Variants in FA2H observed in about 807,000 individuals in gnomAD.
FA2H encodes the protein fatty acid alpha-hydroxylase.
A neutral mutation model predicts 44.9 loss-of-function variants in FA2H; 22 were observed. The observed-to-expected ratio is 0.49, with a 90% CI of 0.35 to 0.70. The LOEUF (loss-of-function observed/expected upper bound fraction) is 0.70. Ranked by LOEUF, FA2H falls within the 30% of genes least tolerant of loss-of-function variation. The probability of loss-of-function intolerance (pLI) is 0.01; values close to 1 mark genes in which losing one functional copy is unlikely to be tolerated. For synonymous variants in FA2H, 243 were observed against 213.2 expected (o/e 1.14, Z -1.22); for missense variants, 501 against 504.9 (o/e 0.99, Z 0.07).
chr16:74,740,063 G>C lies in FA2H; in HGVS notation c.323C>G (p.Pro108Arg). The C allele has an allele frequency of 6.2e-7, 1 of 1,614,046 alleles. No individual in the cohort carries two copies. Among genetic ancestry groups the C allele is most frequent in the South Asian group, 1.1e-5 (1 of 91,076 alleles). Reference sequence around the variant, plus strand: ...CACTTTGAACCGTGGTTCCATAGCAGGATCTGTCTTCTGAGTTTCCTCAAG... The same window carrying C: ...CACTTTGAACCGTGGTTCCATAGCACGATCTGTCTTCTGAGTTTCCTCAAG... ...VALEETQKTD[P>R]AMEPRFKVVD... Residue 108 changes from proline (P) to arginine (R), a missense_variant, in exon 2 of 7, where the codon CCT becomes CGT. By Grantham distance (103) the Pro-to-Arg change is moderately radical. Coordinates refer to ENST00000219368, the MANE Select transcript of FA2H (RefSeq NM_024306.5).
intron 1 of FA2H, among the ~76,000 whole-genome samples, chr16:74,746,061 C>A (rs1962417166): frequency 6.6e-6 from 1 of 152,064 alleles, no homozygotes; most frequent in Non-Finnish European, 1.5e-5. Flanking sequence ...CCCGCCTCGG[C>A]CTCCTTGGGA....
intron 2 of FA2H, among the ~76,000 whole-genome samples, chr16:74,737,449 C>T (rs1392886192): frequency 1.3e-5 from 2 of 152,168 alleles, no homozygotes; most frequent in Non-Finnish European, 2.9e-5. Flanking sequence ...GTAAGACCAT[C>T]CCTCACCTCT....
chr16:74,719,106 G>T lies in FA2H; in HGVS notation c.668C>A (p.Thr223Lys). The T allele has an allele frequency of 6.2e-7, 1 of 1,614,000 alleles. No homozygotes were observed. Among genetic ancestry groups the T allele is most frequent in the Non-Finnish European group, 8.5e-7 (1 of 1,180,022 alleles). The part of the protein sequence containing the change: ...SMFPGLFMLG[T>K]FLWSLIEYLI... ...GTACTCGATGAGGCTCCAGAGGAAT[G>T]TCCCCAGCATGAAGAGCCCGGGGAA... The change falls in exon 5 of 7, where the codon ACA becomes AAA. Residue 223 changes from threonine (T) to lysine (K), a missense_variant. By Grantham distance (78) the Thr-to-Lys change is moderately conservative. Coordinates refer to ENST00000219368, the MANE Select transcript of FA2H (RefSeq NM_024306.5).
intron 2 of FA2H, among the ~76,000 whole-genome samples, chr16:74,730,429 C>T (rs1446181319): frequency 6.6e-6 from 1 of 152,336 alleles, no homozygotes; most frequent in East Asian, 1.9e-4. Flanking sequence ...CACCTAGTCG[C>T]TGCTCCCTTC....
intron 1 of FA2H, among the ~76,000 whole-genome samples, chr16:74,771,583 G>A (rs996701904): frequency 6.6e-6 from 1 of 151,762 alleles, no homozygotes; most frequent in Admixed American, 6.6e-5. Context: ...TGATCCACCC[G>A]CCTTACCCTC....
At chr16:74,752,588 A>G (rs969240191) in intron 1 of FA2H, among the ~76,000 whole-genome samples, 1 of 152,142 alleles carries the variant, frequency 6.6e-6, no homozygotes, top group African/African-American at 2.4e-5. Flanking sequence ...ACCTGTAATT[A>G]TCATGTCTGT....
At chr16:74,744,632 T>C (rs1962381279) in intron 1 of FA2H, among the ~76,000 whole-genome samples, 1 of 151,908 alleles carries the variant, frequency 6.6e-6, no homozygotes, top group African/African-American at 2.4e-5. Flanking sequence ...TTAATTTTTT[T>C]GTAGAGATGG....
intron 1 of FA2H, among the ~76,000 whole-genome samples, chr16:74,761,410 G>A (rs1475759527): frequency 6.6e-6 from 1 of 151,006 alleles, no homozygotes; most frequent in African/African-American, 2.4e-5. Flanking sequence ...CTGAGATCAC[G>A]CCACTGCACT....
chr16:74,748,641 C>A (rs1228038737), intron 1 of FA2H, among the ~76,000 whole-genome samples: 1 of 152,144 alleles, frequency 6.6e-6, no homozygotes, highest in African/African-American at 2.4e-5. Flanking sequence ...CCTGTCCTCC[C>A]TAGAGAGGGT....
Position 74,720,180 on chromosome 16 carries a change from C to CTTTTTTTTTTTTTTTTTTT in FA2H, c.614-1039_614-1021dup, listed in dbSNP as rs56341013. On this transcript the variant is annotated intron_variant, in intron 4 of 6. Transcript: ENST00000219368. ...TTTGCTCCATATATTCATCCTCATC[C>CTTTTTTTTTTTTTTTTTTT]TTTTTTTTTTTTTTTTTTTTTTTTT... Among the ~76,000 whole-genome samples, 10 of 47,242 alleles carry CTTTTTTTTTTTTTTTTTTT rather than the reference C, an allele frequency of 2.1e-4. 2 individuals are homozygous for CTTTTTTTTTTTTTTTTTTT. Among genetic ancestry groups the CTTTTTTTTTTTTTTTTTTT allele is most frequent in the Non-Finnish European group, 3.3e-4 (9 of 27,316 alleles). The allele number at this position is 47,242 out of a possible 152,430, so 31.0% of individuals were successfully genotyped here.
intron 4 of FA2H, among the ~76,000 whole-genome samples, chr16:74,720,818 G>A (rs139039538): frequency 1.6e-4 from 25 of 152,228 alleles, no homozygotes; most frequent in African/African-American, 5.8e-4. Context: ...GACATTTCAC[G>A]TCAATTGAAT....
At position 74,729,074 on chromosome 16, in the gene FA2H, G is replaced by C. The variant is rs187619759; in HGVS notation, c.364-1688C>G. Among the ~76,000 whole-genome samples, 42 of 137,034 alleles carry C rather than the reference G, an allele frequency of 3.1e-4. 1 individual carries two copies. Among genetic ancestry groups the C allele is most frequent in the Middle Eastern group, 3.8e-3 (1 of 262 alleles). 89.9% of individuals were successfully genotyped at this position (137,034 alleles called of 152,430 possible). A position where few individuals can be genotyped will look rare whatever the true frequency, so the allele number is the denominator to read the frequency against. Reference sequence around the variant, plus strand: ...TCACCAGGCTGGAGTGCAGTGGCACGATCTCAGCTCACTGCAACCTCCGCC... The same window carrying C: ...TCACCAGGCTGGAGTGCAGTGGCACCATCTCAGCTCACTGCAACCTCCGCC... On this transcript the variant is annotated intron_variant, in intron 2 of 6. Coordinates refer to ENST00000219368, the MANE Select transcript of FA2H (RefSeq NM_024306.5).
intron 1 of FA2H, among the ~76,000 whole-genome samples, chr16:74,742,374 G>A (rs1327117697): frequency 6.6e-6 from 1 of 152,158 alleles, no homozygotes; most frequent in Non-Finnish European, 1.5e-5. Flanking sequence ...CATGCATCTT[G>A]CACTCTGGGC....
At position 74,718,594 on chromosome 16, in the gene FA2H, T is replaced by G. The variant is rs114202643; in HGVS notation, c.786+394A>C. 3.4e-3 allele frequency among the ~76,000 whole-genome samples: 524 copies of G among 152,258 alleles called. 2 individuals carry two copies. Among genetic ancestry groups the G allele is most frequent in the African/African-American group, 0.012 (498 of 41,562 alleles). ...CTGCTCTGTGGAACGGGGAGAACCATGGGGCTGTTTTCAGCACAAGCTCCA... is the reference window on the plus strand; with the variant it reads ...CTGCTCTGTGGAACGGGGAGAACCAGGGGGCTGTTTTCAGCACAAGCTCCA... On this transcript the variant is annotated intron_variant, in intron 5 of 6. Coordinates refer to ENST00000219368, the MANE Select transcript of FA2H (RefSeq NM_024306.5).
chr16:74,734,978 G>A (rs1076252), intron 2 of FA2H, among the ~76,000 whole-genome samples: 5,970 of 152,362 alleles, frequency 0.039, 398 homozygotes, highest in African/African-American at 0.14. Flanking sequence ...CTGCGGGAGA[G>A]GAGTGGGGGC....
At chr16:74,761,419 C>T (rs1217786172) in intron 1 of FA2H, among the ~76,000 whole-genome samples, 1 of 150,670 alleles carries the variant, frequency 6.6e-6, no homozygotes, top group Non-Finnish European at 1.5e-5. Flanking sequence ...CGCCACTGCA[C>T]TCCAGCCTAG....
Position 74,727,248 on chromosome 16 carries a change from C to G in FA2H, c.502G>C (p.Val168Leu), listed in dbSNP as rs1450639920. The change falls in exon 3 of 7, where the codon GTC becomes CTC. Residue 168 changes from valine to leucine, a missense_variant. By Grantham distance (32) the Val-to-Leu change is conservative. Coordinates refer to ENST00000219368, the MANE Select transcript of FA2H (RefSeq NM_024306.5). ...SDLIEGLSKT[V>L]WYSVPIIWVP... ...CAGGCTCAGGGAAGAGCTCACCAGACAGTCTTAGAGAGGCCCTCAATGAGG... is the reference window on the plus strand; with the variant it reads ...CAGGCTCAGGGAAGAGCTCACCAGAGAGTCTTAGAGAGGCCCTCAATGAGG... 6.8e-6 allele frequency: 11 copies of G among 1,614,082 alleles called. No individual in the cohort carries two copies. The highest frequency in any genetic ancestry group is 8.5e-6 in the Non-Finnish European group (10 of 1,180,040).
In FA2H at chr16:74,774,613, TG is replaced by T; in HGVS notation, c.142del (p.Gln48SerfsTer51). Reference protein sequence around the residue: ...SFVRHHPGGEQLLRARAGQDI... With the variant: ...SFVRHHPGGEXLLRARAGQDI... ...CTGGCCCGCCCTGGCCCGCAGCAGC[TG>T]CTCGCCCCCCGGGTGGTGCCGCACG... On this transcript the variant is annotated frameshift_variant, in exon 1 of 7. Transcript: ENST00000219368. LOFTEE classifies it high-confidence loss of function. 6.6e-7 allele frequency: 1 copy of T among 1,520,920 alleles called. No individual in the cohort carries two copies. The highest frequency in any genetic ancestry group is 8.7e-7 in the Non-Finnish European group (1 of 1,142,966). 94.2% of individuals were successfully genotyped at this position (1,520,920 alleles called of 1,614,324 possible). A position where few individuals can be genotyped will look rare whatever the true frequency, so the allele number is the denominator to read the frequency against.
intron 2 of FA2H, among the ~76,000 whole-genome samples, chr16:74,738,445 C>T (rs576900875): frequency 1.3e-5 from 2 of 152,184 alleles, no homozygotes; most frequent in Non-Finnish European, 2.9e-5. Flanking sequence ...CTGGGAGGAG[C>T]TGACCACAGA....
Sources: gnomAD v4.1 joint callset for allele counts (sites outside exome capture counted in the v4.1 genomes callset) on GRCh38, gnomAD v4.1.1 for gene constraint, MANE v1.5 for transcripts, NCBI Gene and HGNC (gene_info 2026-07-23, HGNC 2026-07-21) for gene names.